Variants in NRBF2 observed in about 807,000 individuals in gnomAD.
NRBF2 encodes the protein nuclear receptor-binding factor 2.
A neutral mutation model predicts 28.5 loss-of-function variants in NRBF2; 12 were observed. The ratio of observed to expected loss-of-function variants is 0.42; its 90% CI spans 0.27 to 0.68. The LOEUF (loss-of-function observed/expected upper bound fraction) is 0.68, where lower values mean the gene tolerates loss of function less well. Ranked by LOEUF, NRBF2 falls within the 30% of genes least tolerant of loss-of-function variation. The pLI is 0.24. For missense variants in NRBF2, 274 were observed against 333.5 expected (o/e 0.82, Z 1.39); for synonymous variants, 102 against 116.5 (o/e 0.88, Z 0.80).
Position 63,154,343 on chromosome 10 carries a change from T to C in NRBF2, c.*125T>C, listed in dbSNP as rs1373116893. Reference sequence around the variant, plus strand: ...CGGAAATGCTTCATCTGGTGGACTGTGGGAGCAGAGGCATTGCCAGGACTT... The same window carrying C: ...CGGAAATGCTTCATCTGGTGGACTGCGGGAGCAGAGGCATTGCCAGGACTT... On this transcript the variant is annotated 3_prime_UTR_variant, in exon 4 of 4. Coordinates refer to ENST00000277746, the MANE Select transcript of NRBF2 (RefSeq NM_030759.5). 1 of 670,396 alleles carries C rather than the reference T, an allele frequency of 1.5e-6. No individual in the cohort carries two copies. Among genetic ancestry groups the C allele is most frequent in the Admixed American group, 3.1e-5 (1 of 32,620 alleles). 41.5% of individuals were successfully genotyped at this position (670,396 alleles called of 1,614,324 possible). A position where few individuals can be genotyped will look rare whatever the true frequency, so the allele number is the denominator to read the frequency against.
chr10:63,149,829 A>G (rs906507721), intron 2 of NRBF2, among the ~76,000 whole-genome samples: 5 of 152,248 alleles, frequency 3.3e-5, no homozygotes, highest in African/African-American at 1.2e-4. Flanking sequence ...TTTAAAGCAA[A>G]CTATAGTTCA....
intron 1 of NRBF2, among the ~76,000 whole-genome samples, chr10:63,135,984 T>C (rs1841371479): frequency 6.6e-6 from 1 of 152,206 alleles, no homozygotes; most frequent in Non-Finnish European, 1.5e-5. Context: ...TTGAAAGATC[T>C]AATTTCCAGC....
At chr10:63,152,547 C>G (rs2132697077) in intron 3 of NRBF2, among the ~76,000 whole-genome samples, 1 of 152,310 alleles carries the variant, frequency 6.6e-6, no homozygotes, top group Admixed American at 6.5e-5. Flanking sequence ...CTAGTTGGAC[C>G]ACCCTTTGCT....
chr10:63,141,532 T>A (rs149418083), intron 1 of NRBF2, among the ~76,000 whole-genome samples: 42 of 152,248 alleles, frequency 2.8e-4, no homozygotes, highest in African/African-American at 8.9e-4. Flanking sequence ...ATCACTTCTA[T>A]TGTCTTTTGT....
chr10:63,138,436 C>T (rs570108419), intron 1 of NRBF2, among the ~76,000 whole-genome samples: 1 of 151,612 alleles, frequency 6.6e-6, no homozygotes, highest in East Asian at 1.9e-4. Context: ...GTAAGCCAAG[C>T]TCACGCCACT....
At chr10:63,138,810 G>A (rs1030652653) in intron 1 of NRBF2, among the ~76,000 whole-genome samples, 1 of 152,036 alleles carries the variant, frequency 6.6e-6, no homozygotes, top group African/African-American at 2.4e-5. Context: ...GTATAATTGC[G>A]TTATATTACT....
At chr10:63,143,066 C>G (rs1841500672) in intron 1 of NRBF2, among the ~76,000 whole-genome samples, 2 of 152,122 alleles carry the variant, frequency 1.3e-5, no homozygotes, top group African/African-American at 2.4e-5. Context: ...CAGGCATGAG[C>G]CACTGCGCCC....
At chr10:63,145,700 A>G (rs1189736869) in intron 1 of NRBF2, among the ~76,000 whole-genome samples, 2 of 152,222 alleles carry the variant, frequency 1.3e-5, no homozygotes, top group Non-Finnish European at 2.9e-5. Flanking sequence ...GCAATGTCCA[A>G]ATTTTTTATT....
chr10:63,151,873 C>A (rs1411214037), intron 2 of NRBF2, among the ~76,000 whole-genome samples: 1 of 152,074 alleles, frequency 6.6e-6, no homozygotes, highest in African/African-American at 2.4e-5. Flanking sequence ...CTTTCCTAAA[C>A]CTATTTTTCT....
chr10:63,135,112 A>G (rs909044283), intron 1 of NRBF2, among the ~76,000 whole-genome samples: 3 of 152,224 alleles, frequency 2.0e-5, no homozygotes, highest in African/African-American at 7.2e-5. Flanking sequence ...GCTTGAGCCC[A>G]GGAGGTGGAG....
intron 1 of NRBF2, among the ~76,000 whole-genome samples, chr10:63,139,003 CTTTTCTTT>C (rs1841420807): frequency 6.6e-6 from 1 of 151,856 alleles, no homozygotes; most frequent in Non-Finnish European, 1.5e-5. Context: ...TATGGTGTTC[CTTTTCTTT>C]TTTTCTTTTT....
chr10:63,150,373 C>A, intron 2 of NRBF2: 1 of 981,618 alleles, frequency 1.0e-6, no homozygotes, highest in South Asian at 4.7e-5. Flanking sequence ...ATAGCTGGAG[C>A]AAAGACTGTA....
At chr10:63,146,111 A>G in intron 1 of NRBF2, 98 bp from the exon 2 acceptor site, 1 of 902,524 alleles carries the variant, frequency 1.1e-6, no homozygotes, top group Non-Finnish European at 1.8e-6. Context: ...TGTGGCAACA[A>G]AACAGTATTA....
At chr10:63,148,752 G>A (rs371669550) in intron 2 of NRBF2, among the ~76,000 whole-genome samples, 1 of 152,212 alleles carries the variant, frequency 6.6e-6, no homozygotes, top group African/African-American at 2.4e-5. Flanking sequence ...TACTCTTGAG[G>A]TGGACAATGG....
intron 1 of NRBF2, among the ~76,000 whole-genome samples, chr10:63,140,844 G>A (rs1474976572): frequency 1.3e-5 from 2 of 152,014 alleles, no homozygotes; most frequent in Non-Finnish European, 2.9e-5. Context: ...GGGACTACAG[G>A]TGGGCGCCAC....
chr10:63,147,667 T>C (rs1417303502), intron 2 of NRBF2, among the ~76,000 whole-genome samples: 2 of 151,692 alleles, frequency 1.3e-5, no homozygotes, highest in Non-Finnish European at 2.9e-5. Context: ...GCATGTTTGT[T>C]ACATAGGTAT....
chr10:63,146,496 G>T (rs572204478), intron 2 of NRBF2, among the ~76,000 whole-genome samples: 9 of 152,308 alleles, frequency 5.9e-5, no homozygotes, highest in Admixed American at 2.0e-4. Flanking sequence ...TGGCATAAAT[G>T]TGGTAAACAG....
intron 1 of NRBF2, among the ~76,000 whole-genome samples, chr10:63,136,872 T>C (rs1055430612): frequency 1.3e-5 from 2 of 152,222 alleles, no homozygotes; most frequent in African/African-American, 4.8e-5. Context: ...GAGACTAGTT[T>C]GAAATATTCA....
At chr10:63,137,272 G>T (rs1841391427) in intron 1 of NRBF2, among the ~76,000 whole-genome samples, 1 of 152,226 alleles carries the variant, frequency 6.6e-6, no homozygotes, top group Non-Finnish European at 1.5e-5. Context: ...ACTGTGCCCA[G>T]CCTGTCAGTT....
Sources: allele counts gnomAD v4.1 joint callset (sites outside exome capture counted in the v4.1 genomes callset), GRCh38; gene constraint gnomAD v4.1.1; transcripts MANE v1.5; gene names NCBI Gene and HGNC (gene_info 2026-07-23, HGNC 2026-07-21).